Variants in KCNIP4 observed in about 807,000 individuals in gnomAD.
KCNIP4 encodes the protein Kv channel-interacting protein 4.
A neutral mutation model predicts 34.0 loss-of-function variants in KCNIP4; 12 were observed. The observed-to-expected ratio is 0.35, with a 90% confidence interval of 0.23 to 0.57. The LOEUF (loss-of-function observed/expected upper bound fraction) is 0.57, where lower values mean the gene tolerates loss of function less well. Among genes scored for constraint, KCNIP4 ranks in the 20% least tolerant of loss-of-function variants. The pLI is 0.83. For synonymous variants in KCNIP4, 124 were observed against 102.2 expected (o/e 1.21, Z -1.29); for missense variants, 238 against 311.7 (o/e 0.76, Z 1.78).
chr4:21,859,488 C>T (rs184751729), intron 1 of KCNIP4, among the ~76,000 whole-genome samples: 1,799 of 151,704 alleles, frequency 0.012, 18 homozygotes, highest in Non-Finnish European at 0.019. Flanking sequence ...ATTAGCCGGG[C>T]GTGGTGGTGG....
intron 1 of KCNIP4, among the ~76,000 whole-genome samples, chr4:21,112,980 G>A (rs1028786912): frequency 6.6e-5 from 10 of 151,922 alleles, no homozygotes; most frequent in African/African-American, 2.4e-4. Flanking sequence ...TTCTAAGATT[G>A]TAAACCCTTA....
intron 3 of KCNIP4, among the ~76,000 whole-genome samples, chr4:20,814,865 T>C (rs1716191739): frequency 6.6e-6 from 1 of 152,088 alleles, no homozygotes; most frequent in South Asian, 2.1e-4. Context: ...ACAAAGACAA[T>C]ATGGCTGTAG....
intron 1 of KCNIP4, among the ~76,000 whole-genome samples, chr4:21,792,379 T>C (rs1321830573): frequency 6.6e-6 from 1 of 152,196 alleles, no homozygotes; most frequent in Non-Finnish European, 1.5e-5. Context: ...TATTAACATA[T>C]AAAATAATGG....
intron 1 of KCNIP4, among the ~76,000 whole-genome samples, chr4:21,177,858 T>TTA (rs3080785): frequency 0.15 from 20,564 of 139,198 alleles, 1,594 homozygotes; most frequent in East Asian, 0.2. Context: ...AAAAAAAAAA[T>TTA]TATATATATA....
intron 1 of KCNIP4, among the ~76,000 whole-genome samples, chr4:21,236,388 T>C (rs1759361189): frequency 6.6e-6 from 1 of 152,174 alleles, no homozygotes; most frequent in Non-Finnish European, 1.5e-5. Context: ...CACTTTACTT[T>C]TCATAATGTC....
intron 1 of KCNIP4, among the ~76,000 whole-genome samples, chr4:21,424,597 AAGAG>A (rs1372105697): frequency 6.9e-6 from 1 of 145,318 alleles, no homozygotes; most frequent in Non-Finnish European, 1.6e-5. Flanking sequence ...GAAAGAAAGA[AAGAG>A]AGAAAAAGAA....
chr4:21,846,182 G>A (rs1400017650), intron 1 of KCNIP4: 1 of 151,888 alleles, frequency 6.6e-6, no homozygotes, highest in Non-Finnish European at 1.5e-5. Flanking sequence ...ATGACACTGG[G>A]ATGAAATTTG....
chr4:21,626,294 G>A (rs1745316636), intron 1 of KCNIP4, among the ~76,000 whole-genome samples: 1 of 152,018 alleles, frequency 6.6e-6, no homozygotes, highest in Admixed American at 6.6e-5. Context: ...AAGACTTTGG[G>A]AGGTAATTAG....
rs1746915681 is a variant in KCNIP4 at position 21,090,648 on chromosome 4, AT to A, written c.62-207940del. ...ATTTTAAAATTATTTTAAGTCACAG[AT>A]TGTTTCATAAACATAATTTTGTTTT... On this transcript the variant is annotated intron_variant, in intron 1 of 8. Coordinates refer to ENST00000382152, the MANE Select transcript of KCNIP4 (RefSeq NM_025221.6). Among the ~76,000 whole-genome samples the A allele has an allele frequency of 2.0e-5, 3 of 152,216 alleles. No homozygotes were observed. In the South Asian group the frequency reaches 6.2e-4, roughly 31 times the overall value.
intron 1 of KCNIP4, among the ~76,000 whole-genome samples, chr4:21,353,043 G>T (rs569299003): frequency 6.6e-6 from 1 of 152,174 alleles, no homozygotes; most frequent in Admixed American, 6.5e-5. Flanking sequence ...CAACAGACCT[G>T]CAGCTGAGGG....
chr4:20,886,818 A>C (rs1163318669), intron 1 of KCNIP4, among the ~76,000 whole-genome samples: 2 of 152,196 alleles, frequency 1.3e-5, no homozygotes, highest in South Asian at 2.1e-4. Context: ...GCTTCGAAAC[A>C]ATATTCAATA....
rs1407369809 is a variant in KCNIP4, at chr4:21,150,402, C to T, written c.62-267693G>A. Among the ~76,000 whole-genome samples, 3 of 145,080 alleles carry T rather than the reference C, an allele frequency of 2.1e-5. No homozygotes were observed. In the South Asian group the frequency reaches 6.2e-4, roughly 30 times the overall value. On this transcript the variant is annotated intron_variant, in intron 1 of 8. Transcript: ENST00000382152. ...CAAGTATGTTGGGTCACTTGCAAAG[C>T]CACCATTGATTCTGATGTTCTGGGA...
intron 1 of KCNIP4, among the ~76,000 whole-genome samples, chr4:21,531,451 C>T (rs780595042): frequency 1.3e-5 from 2 of 151,324 alleles, no homozygotes; most frequent in Non-Finnish European, 2.9e-5. Context: ...TCACAGCTCA[C>T]TGCAACCTCC....
chr4:21,580,257 A>G (rs1315530985), intron 1 of KCNIP4, among the ~76,000 whole-genome samples: 1 of 152,110 alleles, frequency 6.6e-6, no homozygotes, highest in East Asian at 1.9e-4. Context: ...CTCCTTTGAT[A>G]CTAATACTAT....
chr4:21,528,675 CAAAGAAA>C (rs1736202019), intron 1 of KCNIP4, among the ~76,000 whole-genome samples: 1 of 84,182 alleles, frequency 1.2e-5, no homozygotes, highest in African/African-American at 5.0e-5. Context: ...TCATAAAAAA[CAAAGAAA>C]GAAAGAAAGA....
chr4:21,437,258 TA>T (rs1401380171), intron 1 of KCNIP4, among the ~76,000 whole-genome samples: 1 of 152,216 alleles, frequency 6.6e-6, no homozygotes, highest in Non-Finnish European at 1.5e-5. Flanking sequence ...TTTTTCTTTT[TA>T]AAAAATATGT....
intron 1 of KCNIP4, chr4:21,718,917 C>T (rs1305133652): frequency 6.6e-6 from 1 of 152,142 alleles, no homozygotes; most frequent in African/African-American, 2.4e-5. Flanking sequence ...TTGCAAATGT[C>T]AACAATTGCA....
At chr4:20,859,737 A>C (rs1721990736) in intron 2 of KCNIP4, among the ~76,000 whole-genome samples, 1 of 152,186 alleles carries the variant, frequency 6.6e-6, no homozygotes, top group Non-Finnish European at 1.5e-5. Context: ...AATTATGCAA[A>C]TTTGACTCTA....
chr4:21,653,737 C>T (rs1415802850), intron 1 of KCNIP4, among the ~76,000 whole-genome samples: 3 of 152,090 alleles, frequency 2.0e-5, no homozygotes, highest in African/African-American at 4.8e-5. Flanking sequence ...ATTCAAAGAT[C>T]GTAGGAAGTA....
Sources: gnomAD v4.1 joint callset for allele counts (sites outside exome capture counted in the v4.1 genomes callset) on GRCh38, gnomAD v4.1.1 for gene constraint, MANE v1.5 for transcripts, NCBI Gene and HGNC (gene_info 2026-07-23, HGNC 2026-07-21) for gene names.